Variants in GMDS observed in about 807,000 individuals in gnomAD.
The protein encoded by GMDS is GDP-mannose 4,6-dehydratase.
GMDS carries 20 observed loss-of-function variants against 49.9 expected under a neutral mutation model. The observed-to-expected ratio is 0.40, with a 90% CI of 0.28 to 0.58. The LOEUF is 0.58. Ranked by LOEUF, GMDS falls within the 20% of genes least tolerant of loss-of-function variation. The probability of loss-of-function intolerance (pLI) is 0.42; values close to 1 mark genes in which losing one functional copy is unlikely to be tolerated. For synonymous variants in GMDS, 177 were observed against 178.6 expected (o/e 0.99, Z 0.07); for missense variants, 362 against 481.4 (o/e 0.75, Z 2.32).
intron 7 of GMDS, among the ~76,000 whole-genome samples, chr6:1,857,435 T>C (rs1412944295): frequency 6.6e-6 from 1 of 152,222 alleles, no homozygotes; most frequent in African/African-American, 2.4e-5. Context: ...TGAGAGTTGC[T>C]GTCTGCTCTA....
chr6:2,173,359 C>T (rs1269017170), intron 1 of GMDS, among the ~76,000 whole-genome samples: 1 of 152,160 alleles, frequency 6.6e-6, no homozygotes, highest in African/African-American at 2.4e-5. Flanking sequence ...AGACAACATA[C>T]TTCAGAATGA....
intron 9 of GMDS, among the ~76,000 whole-genome samples, chr6:1,710,927 A>G (rs1267587710): frequency 6.6e-6 from 1 of 152,202 alleles, no homozygotes; most frequent in African/African-American, 2.4e-5. Context: ...GACAGTTTTA[A>G]TCACTGGACA....
At chr6:2,092,028 C>A (rs904030216) in intron 4 of GMDS, among the ~76,000 whole-genome samples, 7 of 152,060 alleles carry the variant, frequency 4.6e-5, no homozygotes, top group Admixed American at 2.6e-4. Flanking sequence ...TGGGAACAAC[C>A]CTTTCTAAAT....
At chr6:1,859,470 C>A (rs1434398532) in intron 7 of GMDS, among the ~76,000 whole-genome samples, 1 of 152,182 alleles carries the variant, frequency 6.6e-6, no homozygotes, top group Non-Finnish European at 1.5e-5. Context: ...GTAATGGCCA[C>A]CAAACGTGCA....
At chr6:1,853,842 C>T (rs1442060454) in intron 7 of GMDS, among the ~76,000 whole-genome samples, 2 of 152,144 alleles carry the variant, frequency 1.3e-5, no homozygotes, top group African/African-American at 2.4e-5. Flanking sequence ...TGTAGAAAAT[C>T]CCCCGAGTTG....
At chr6:1,770,554 C>T (rs1010641424) in intron 7 of GMDS, among the ~76,000 whole-genome samples, 6 of 152,230 alleles carry the variant, frequency 3.9e-5, no homozygotes, top group Non-Finnish European at 8.8e-5. Flanking sequence ...CCTGCCATGA[C>T]CCCACGGTGT....
chr6:1,931,147 T>C (rs1263724576), intron 6 of GMDS: 1 of 152,216 alleles, frequency 6.6e-6, no homozygotes, highest in Non-Finnish European at 1.5e-5. Flanking sequence ...AATACTCATA[T>C]TAGCTAGTTA....
chr6:1,784,530 G>C (rs900917210), intron 7 of GMDS, among the ~76,000 whole-genome samples: 2 of 152,020 alleles, frequency 1.3e-5, no homozygotes, highest in Non-Finnish European at 2.9e-5. Flanking sequence ...GGGGAGAGAG[G>C]AGACAGCAGA....
intron 4 of GMDS, among the ~76,000 whole-genome samples, chr6:1,990,738 C>T (rs1765884460): frequency 1.6e-5 from 1 of 61,684 alleles, no homozygotes; most frequent in Non-Finnish European, 3.5e-5. Flanking sequence ...GCACACCCAG[C>T]TAATTTTTTT....
chr6:1,779,383 A>G (rs891836615), intron 7 of GMDS, among the ~76,000 whole-genome samples: 21 of 152,200 alleles, frequency 1.4e-4, no homozygotes, highest in African/African-American at 3.9e-4. Flanking sequence ...AGGGTCACAG[A>G]TCAGGTGAAT....
intron 9 of GMDS, among the ~76,000 whole-genome samples, chr6:1,638,434 T>C (rs919560036): frequency 3.3e-5 from 5 of 152,148 alleles, no homozygotes; most frequent in African/African-American, 1.2e-4. Flanking sequence ...AGGATGGCCA[T>C]GATCCTGAAC....
intron 4 of GMDS, among the ~76,000 whole-genome samples, chr6:2,023,548 T>C (rs1334271041): frequency 2.0e-5 from 3 of 152,202 alleles, no homozygotes; most frequent in Non-Finnish European, 4.4e-5. Flanking sequence ...CAGGAGCATG[T>C]GCACGCCAAG....
At chr6:1,887,607 T>G (rs1364068268) in intron 7 of GMDS, among the ~76,000 whole-genome samples, 1 of 152,216 alleles carries the variant, frequency 6.6e-6, no homozygotes, top group African/African-American at 2.4e-5. Context: ...CCTTCTGCCT[T>G]TAAATCTTAA....
chr6:2,192,045 A>G (rs1051400691), intron 1 of GMDS, among the ~76,000 whole-genome samples: 6 of 152,326 alleles, frequency 3.9e-5, no homozygotes, highest in African/African-American at 1.4e-4. Context: ...GGAGAAGATG[A>G]GATGACCAGA....
chr6:2,068,264 T>C (rs1336998085), intron 4 of GMDS, among the ~76,000 whole-genome samples: 2 of 151,730 alleles, frequency 1.3e-5, no homozygotes, highest in East Asian at 1.9e-4. Context: ...TGGGACGTAT[T>C]TCAAAATAAT....
At chr6:2,231,877 T>C (rs1280933275) in intron 1 of GMDS, among the ~76,000 whole-genome samples, 2 of 152,208 alleles carry the variant, frequency 1.3e-5, no homozygotes, top group Non-Finnish European at 2.9e-5. Flanking sequence ...ATATTTCGGT[T>C]CTGAGCAAAT....
intron 8 of GMDS, among the ~76,000 whole-genome samples, chr6:1,737,332 G>A (rs1307221737): frequency 6.6e-6 from 1 of 152,134 alleles, no homozygotes; most frequent in African/African-American, 2.4e-5. Flanking sequence ...CAGAAAATTA[G>A]TCAAGACAAG....
At chr6:1,645,847 G>A (rs974511804) in intron 9 of GMDS, among the ~76,000 whole-genome samples, 2 of 152,206 alleles carry the variant, frequency 1.3e-5, no homozygotes, top group Non-Finnish European at 2.9e-5. Flanking sequence ...CTCTAGCACA[G>A]TGTCCCTCTC....
chr6:1,704,764 A>G (rs1349151225), intron 9 of GMDS, among the ~76,000 whole-genome samples: 4 of 151,652 alleles, frequency 2.6e-5, no homozygotes, highest in African/African-American at 9.7e-5. Flanking sequence ...TAATAAACAC[A>G]GTCCCTGCCT....
Sources: allele counts gnomAD v4.1 joint callset (sites outside exome capture counted in the v4.1 genomes callset), GRCh38; gene constraint gnomAD v4.1.1; transcripts MANE v1.5; gene names NCBI Gene and HGNC (gene_info 2026-07-23, HGNC 2026-07-21).